CTNNA3: variants seen among roughly 807,000 people sequenced by gnomAD.
The protein encoded by CTNNA3 is catenin alpha-3.
A neutral mutation model predicts 95.7 loss-of-function variants in CTNNA3; 76 were observed. That is an observed-to-expected ratio of 0.79 (90% CI 0.66 to 0.96). The LOEUF (loss-of-function observed/expected upper bound fraction) is 0.96, where lower values mean the gene tolerates loss of function less well. Among genes scored for constraint, CTNNA3 ranks in the 40% least tolerant of loss-of-function variants. The pLI is 0.00. For missense variants in CTNNA3, 1,191 were observed against 1,089.8 expected (o/e 1.09, Z -1.31); for synonymous variants, 431 against 374.4 (o/e 1.15, Z -1.74).
intron 11 of CTNNA3, among the ~76,000 whole-genome samples, chr10:66,479,873 G>A (rs1476668761): frequency 6.6e-6 from 1 of 151,000 alleles, no homozygotes; most frequent in Non-Finnish European, 1.5e-5. Flanking sequence ...TATATCAATC[G>A]AACATCTTTC....
intron 13 of CTNNA3, among the ~76,000 whole-genome samples, chr10:66,139,249 T>G (rs1021867346): frequency 5.9e-5 from 9 of 152,208 alleles, no homozygotes; most frequent in African/African-American, 2.2e-4. Flanking sequence ...CAATTTCCAT[T>G]TATTCACACT....
intron 11 of CTNNA3, among the ~76,000 whole-genome samples, chr10:66,465,768 C>A (rs1021740583): frequency 2.6e-5 from 4 of 152,058 alleles, no homozygotes; most frequent in African/African-American, 9.7e-5. Context: ...GGTTCCTAAC[C>A]AGAATTTTGT....
At chr10:66,811,136 T>C (rs1589280912) in intron 7 of CTNNA3, among the ~76,000 whole-genome samples, 1 of 152,160 alleles carries the variant, frequency 6.6e-6, no homozygotes, top group East Asian at 1.9e-4. Context: ...GTCCATGTAG[T>C]ATACTTGCAC....
chr10:67,446,224 C>G (rs901134471), intron 5 of CTNNA3, among the ~76,000 whole-genome samples: 1 of 152,088 alleles, frequency 6.6e-6, no homozygotes, highest in African/African-American at 2.4e-5. Flanking sequence ...ACATCTAAAC[C>G]CTTCCACTGT....
intron 3 of CTNNA3, among the ~76,000 whole-genome samples, chr10:67,574,225 T>A (rs1842067532): frequency 6.6e-6 from 1 of 152,216 alleles, no homozygotes; most frequent in Admixed American, 6.5e-5. Context: ...TTAGATCTTC[T>A]GGTGCTTACT....
At chr10:67,044,848 T>TA (rs1854628643) in intron 7 of CTNNA3, among the ~76,000 whole-genome samples, 2 of 152,228 alleles carry the variant, frequency 1.3e-5, no homozygotes, top group Non-Finnish European at 2.9e-5. Flanking sequence ...ACCTCAGCTC[T>TA]GCCACTTTCT....
chr10:66,999,573 C>A (rs560401305), intron 7 of CTNNA3, among the ~76,000 whole-genome samples: 1 of 151,834 alleles, frequency 6.6e-6, no homozygotes, highest in East Asian at 2.0e-4. Flanking sequence ...GCATGCATCC[C>A]TTTTAGGTCA....
intron 14 of CTNNA3, among the ~76,000 whole-genome samples, chr10:66,076,274 C>G (rs2080557429): frequency 6.6e-6 from 1 of 151,494 alleles, no homozygotes; most frequent in African/African-American, 2.4e-5. Flanking sequence ...GCATAGAACA[C>G]TTTGATGGAA....
intron 15 of CTNNA3, among the ~76,000 whole-genome samples, chr10:66,018,460 C>T (rs2079138288): frequency 6.6e-6 from 1 of 151,878 alleles, no homozygotes; most frequent in South Asian, 2.1e-4. Context: ...AATAATGTCA[C>T]CCTCAGATAA....
At chr10:66,192,009 T>C (rs1203900133) in intron 13 of CTNNA3, among the ~76,000 whole-genome samples, 1 of 152,172 alleles carries the variant, frequency 6.6e-6, no homozygotes, top group African/African-American at 2.4e-5. Flanking sequence ...TGCCATGAGA[T>C]GACACATCAA....
At chr10:66,968,435 T>G (rs1287691933) in intron 7 of CTNNA3, among the ~76,000 whole-genome samples, 1 of 150,800 alleles carries the variant, frequency 6.6e-6, no homozygotes, top group Non-Finnish European at 1.5e-5. Flanking sequence ...AGAGACAAGA[T>G]GAATTTAAAC....
At chr10:66,273,270 G>A (rs10997028) in intron 13 of CTNNA3, among the ~76,000 whole-genome samples, 17,427 of 152,142 alleles carry the variant, frequency 0.11, 1,276 homozygotes, top group East Asian at 0.28. Flanking sequence ...TATGACTAAT[G>A]GGAGGGGAGC....
chr10:67,493,877 C>T (rs1838942254), intron 5 of CTNNA3, among the ~76,000 whole-genome samples: 1 of 152,174 alleles, frequency 6.6e-6, no homozygotes, highest in Non-Finnish European at 1.5e-5. Context: ...ATTGCTGCTG[C>T]TGTTGTTGCC....
In CTNNA3 at chr10:65,916,503, T is replaced by C. The variant is rs1269858823; in HGVS notation, c.*3827A>G. Reference sequence around the variant, plus strand: ...TCTTATTCCACTCATACTACCACTATACAAAAATCTGTAGCCATGGGAACC... The same window carrying C: ...TCTTATTCCACTCATACTACCACTACACAAAAATCTGTAGCCATGGGAACC... On this transcript the variant is annotated 3_prime_UTR_variant, in exon 18 of 18. Coordinates refer to ENST00000433211, the MANE Select transcript of CTNNA3 (RefSeq NM_013266.4). 1 of 152,122 alleles carries C rather than the reference T, an allele frequency of 6.6e-6. No homozygotes were observed. The highest frequency in any genetic ancestry group is 2.4e-5 in the African/African-American group (1 of 41,416). The allele number at this position is 152,122 out of a possible 1,614,324, so 9.4% of individuals were successfully genotyped here.
At chr10:66,721,519 A>G (rs1848627729) in intron 9 of CTNNA3, among the ~76,000 whole-genome samples, 3 of 152,222 alleles carry the variant, frequency 2.0e-5, no homozygotes, top group African/African-American at 7.2e-5. Context: ...CTAGTGTTCT[A>G]AAGAAGGACC....
intron 11 of CTNNA3, among the ~76,000 whole-genome samples, chr10:66,480,979 A>G (rs1303760123): frequency 1.3e-5 from 2 of 152,224 alleles, no homozygotes; most frequent in Non-Finnish European, 2.9e-5. Flanking sequence ...ATACTAATTC[A>G]TGAATGAAAA....
chr10:66,151,005 C>A (rs1205965614), intron 13 of CTNNA3, among the ~76,000 whole-genome samples: 2 of 151,942 alleles, frequency 1.3e-5, no homozygotes, highest in Non-Finnish European at 2.9e-5. Flanking sequence ...ATTTGCATTT[C>A]TCTTACGAAG....
At chr10:67,699,274 T>A (rs1050404915), upstream of CTNNA3, among the ~76,000 whole-genome samples, 4 of 151,880 alleles carry the variant, frequency 2.6e-5, no homozygotes, top group Admixed American at 1.3e-4. Flanking sequence ...TGTGCCTTCA[T>A]CATAATACTT....
At chr10:66,330,518 C>T (rs993017738) in intron 12 of CTNNA3, among the ~76,000 whole-genome samples, 3 of 152,028 alleles carry the variant, frequency 2.0e-5, no homozygotes, top group Non-Finnish European at 4.4e-5. Context: ...GGGAATAGTG[C>T]CACAGTAAAC....
Sources: gnomAD v4.1 joint callset for allele counts (sites outside exome capture counted in the v4.1 genomes callset) on GRCh38, gnomAD v4.1.1 for gene constraint, MANE v1.5 for transcripts, NCBI Gene and HGNC (gene_info 2026-07-23, HGNC 2026-07-21) for gene names.